PFDN2: variants seen among roughly 807,000 people sequenced by gnomAD.
PFDN2 encodes the protein prefoldin 2.
In PFDN2, 7 loss-of-function variants were observed where a neutral mutation model predicts 18.3. That is an observed-to-expected ratio of 0.38 (90% CI 0.22 to 0.72). The LOEUF is 0.72. Among genes scored for constraint, PFDN2 ranks in the 30% least tolerant of loss-of-function variants. PFDN2 has a pLI of 0.47. For missense variants in PFDN2, 181 were observed against 199.1 expected (o/e 0.91, Z 0.55); for synonymous variants, 76 against 75.0 (o/e 1.01, Z -0.07).
chr1:161,100,699 C>T lies in PFDN2; in HGVS notation c.449G>A (p.Gly150Glu). ...CCTTGGTCCCTAGGAGACCAACACT[C>T]CAGCTGAGCTGGCCTTAGCCCCAGC... ...EGAGAKASSAGVLVS is the reference protein window; with the variant it reads ...EGAGAKASSAEVLVS The change falls in exon 4 of 4, where the codon GGA becomes GAA. Residue 150 changes from glycine (G) to glutamate (E), a missense_variant. Transcript: ENST00000368010. 1.2e-6 allele frequency: 2 copies of T among 1,613,128 alleles called. No individual in the cohort carries two copies. The highest frequency in any genetic ancestry group is 2.2e-5 in the East Asian group (1 of 44,890).
intron 1 of PFDN2, among the ~76,000 whole-genome samples, chr1:161,116,061 C>CA (rs1348897291): frequency 1.3e-5 from 2 of 151,584 alleles, no homozygotes; most frequent in Non-Finnish European, 2.9e-5. Context: ...CCATCTCTAC[C>CA]AAAAAAACAA....
chr1:161,100,939 G>T, intron 3 of PFDN2, 80 bp from the exon 4 acceptor site: 1 of 1,046,550 alleles, frequency 9.6e-7, no homozygotes, highest in Non-Finnish European at 1.4e-6. Context: ...GTTGGAGGAA[G>T]TGTTAACACA....
chr1:161,106,547 T>G (rs1654680765), intron 1 of PFDN2, among the ~76,000 whole-genome samples: 1 of 152,232 alleles, frequency 6.6e-6, no homozygotes, highest in East Asian at 1.9e-4. Context: ...TTATTCTCTG[T>G]CTGCTGTAAG....
intron 1 of PFDN2, among the ~76,000 whole-genome samples, chr1:161,102,667 A>G (rs780608744): frequency 1.2e-4 from 19 of 152,248 alleles, no homozygotes; most frequent in South Asian, 4.1e-4. Context: ...GGCATTTAAT[A>G]TAAGAATGGG....
At chr1:161,103,957 T>C (rs2101700187) in intron 1 of PFDN2, among the ~76,000 whole-genome samples, 1 of 152,270 alleles carries the variant, frequency 6.6e-6, no homozygotes, top group East Asian at 1.9e-4. Flanking sequence ...ACCATGGCTA[T>C]ATGTTAGAAT....
At chr1:161,105,223 G>C (rs560073041) in intron 1 of PFDN2, among the ~76,000 whole-genome samples, 4 of 152,264 alleles carry the variant, frequency 2.6e-5, no homozygotes, top group Non-Finnish European at 4.4e-5. Context: ...TGATCCTTCT[G>C]CCTCAGCCTC....
intron 1 of PFDN2, among the ~76,000 whole-genome samples, chr1:161,110,998 C>A (rs896965829): frequency 1.3e-5 from 2 of 151,750 alleles, no homozygotes; most frequent in Admixed American, 1.3e-4. Context: ...CGCCAATGCG[C>A]CCGGCTAACT....
At position 161,109,250 on chromosome 1, in the gene PFDN2, A is replaced by G. The variant is rs12066302; in HGVS notation, c.76-6875T>C. 4.7e-3 allele frequency among the ~76,000 whole-genome samples: 721 copies of G among 152,268 alleles called. 4 individuals carry two copies. Among genetic ancestry groups the G allele is most frequent in the African/African-American group, 0.017 (693 of 41,560 alleles). ...ATACTTTCCCAAACCTCTCTCATTC[A>G]GTTTTTCTCTGCTTAAGTCTAGTTC... On this transcript the variant is annotated intron_variant, in intron 1 of 3. Transcript: ENST00000368010.
chr1:161,109,944 C>G (rs1571186985), intron 1 of PFDN2, among the ~76,000 whole-genome samples: 1 of 151,694 alleles, frequency 6.6e-6, no homozygotes, highest in Non-Finnish European at 1.5e-5. Context: ...ATCCCAGTTA[C>G]TCGGGAGGCT....
intron 1 of PFDN2, among the ~76,000 whole-genome samples, chr1:161,115,730 A>G (rs952027229): frequency 1.3e-5 from 2 of 152,220 alleles, no homozygotes; most frequent in African/African-American, 2.4e-5. Flanking sequence ...TTACATTGTC[A>G]TAACTGTTCT....
intron 1 of PFDN2, among the ~76,000 whole-genome samples, chr1:161,111,447 G>A (rs1055410811): frequency 1.3e-5 from 2 of 152,090 alleles, no homozygotes; most frequent in African/African-American, 4.8e-5. Context: ...TGCTAGGAGG[G>A]CTGTCTCAGG....
At chr1:161,115,089 A>G (rs1654879977) in intron 1 of PFDN2, among the ~76,000 whole-genome samples, 1 of 152,166 alleles carries the variant, frequency 6.6e-6, no homozygotes, top group Admixed American at 6.5e-5. Context: ...TTGAGACAAG[A>G]GTCTCGCTCT....
chr1:161,102,674 T>C (rs1273117959), intron 1 of PFDN2, among the ~76,000 whole-genome samples: 1 of 152,006 alleles, frequency 6.6e-6, no homozygotes, highest in Non-Finnish European at 1.5e-5. Flanking sequence ...AATATAAGAA[T>C]GGGGGCCAGG....
intron 1 of PFDN2, among the ~76,000 whole-genome samples, chr1:161,107,424 C>CAA (rs34132641): frequency 2.9e-3 from 197 of 67,668 alleles, no homozygotes; most frequent in Non-Finnish European, 3.3e-3. Flanking sequence ...GACTCTGTCT[C>CAA]AAAAAAAAAA....
At chr1:161,102,943 C>T (rs1328679887) in intron 1 of PFDN2, among the ~76,000 whole-genome samples, 6 of 145,430 alleles carry the variant, frequency 4.1e-5, no homozygotes, top group Admixed American at 3.5e-4. Flanking sequence ...GGCGACAGAG[C>T]GAAACTCCGT....
At chr1:161,109,523 G>A (rs1032679215) in intron 1 of PFDN2, among the ~76,000 whole-genome samples, 2 of 152,034 alleles carry the variant, frequency 1.3e-5, no homozygotes, top group South Asian at 2.1e-4. Context: ...TTCTTTCATA[G>A]TCCTACTATA....
intron 1 of PFDN2, 66 bp from the exon 2 acceptor site, chr1:161,102,441 T>G: frequency 1.6e-6 from 2 of 1,257,574 alleles, no homozygotes; most frequent in Non-Finnish European, 2.3e-6. Flanking sequence ...AGATAGCACA[T>G]AGGGTGGCAG....
chr1:161,109,665 C>A (rs1429942403), intron 1 of PFDN2, among the ~76,000 whole-genome samples: 1 of 152,132 alleles, frequency 6.6e-6, no homozygotes, highest in Non-Finnish European at 1.5e-5. Context: ...AATAAGGAGA[C>A]CAAGGCTGGT....
rs1364689113 is a variant in PFDN2 at position 161,102,480 on chromosome 1, T to A, written c.76-105A>T. On this transcript the variant is annotated intron_variant, in intron 1 of 3. Transcript: ENST00000368010. ...TTACAAAGGTGCAGTAGTGGGCACC[T>A]ACCTTGGAAAAGGAGTAGAACCACA... The A allele has an allele frequency of 1.5e-5, 12 of 790,060 alleles. No individual in the cohort carries two copies. The East Asian group carries it at 3.1e-4, about 20-fold the overall frequency. 48.9% of individuals were successfully genotyped at this position (790,060 alleles called of 1,614,324 possible). A position where few individuals can be genotyped will look rare whatever the true frequency, so the allele number is the denominator to read the frequency against.
Sources: gnomAD v4.1 joint callset for allele counts (sites outside exome capture counted in the v4.1 genomes callset) on GRCh38, gnomAD v4.1.1 for gene constraint, MANE v1.5 for transcripts, NCBI Gene and HGNC (gene_info 2026-07-23, HGNC 2026-07-21) for gene names.